The following C14orf39 variants were observed in gnomAD, a reference collection of about 807,000 sequenced individuals.
C14orf39 encodes the protein protein SIX6OS1.
Under a neutral mutation model 85.6 loss-of-function variants are expected in C14orf39, and 66 were observed. That is an observed-to-expected ratio of 0.77 (90% CI 0.63 to 0.95). The LOEUF is 0.95. C14orf39 is among the 40% of genes least tolerant of loss of function. The probability of loss-of-function intolerance (pLI) is 0.00; values close to 1 mark genes in which losing one functional copy is unlikely to be tolerated. For missense variants in C14orf39, 735 were observed against 663.9 expected (o/e 1.11, Z -1.18); for synonymous variants, 242 against 214.0 (o/e 1.13, Z -1.14).
At chr14:60,459,203 T>A (rs145935553) in intron 13 of C14orf39, among the ~76,000 whole-genome samples, 1 of 151,764 alleles carries the variant, frequency 6.6e-6, no homozygotes, top group Non-Finnish European at 1.5e-5. Flanking sequence ...ATCCATATTA[T>A]TGCACAAAGA....
At chr14:60,476,692 T>A (rs1293438763) in intron 5 of C14orf39, among the ~76,000 whole-genome samples, 1 of 152,162 alleles carries the variant, frequency 6.6e-6, no homozygotes, top group Non-Finnish European at 1.5e-5. Flanking sequence ...AGAATTAATG[T>A]TTTATAGTCA....
chr14:60,513,282 G>A (rs1893319759), intron 1 of C14orf39, among the ~76,000 whole-genome samples: 1 of 152,168 alleles, frequency 6.6e-6, no homozygotes, highest in Admixed American at 6.5e-5. Context: ...GGTCCTGAAA[G>A]GCTCCCATTG....
intron 2 of C14orf39, among the ~76,000 whole-genome samples, chr14:60,497,649 G>C (rs1483582893): frequency 1.3e-5 from 2 of 152,190 alleles, no homozygotes; most frequent in Non-Finnish European, 2.9e-5. Flanking sequence ...GCCGAGGTGG[G>C]CCAATCACTG....
intron 17 of C14orf39, among the ~76,000 whole-genome samples, chr14:60,437,999 T>C (rs1017557791): frequency 1.3e-4 from 20 of 151,666 alleles, no homozygotes; most frequent in Non-Finnish European, 2.7e-4. Flanking sequence ...TAATTTAAAA[T>C]TAATTATCAT....
Position 60,442,091 on chromosome 14 carries a change from G to A in C14orf39, c.1544C>T (p.Ser515Leu), listed in dbSNP as rs1277421272. Residue 515 changes from serine (S) to leucine (L), a missense_variant, in exon 17 of 18, where the codon TCA becomes TTA. Ser to Leu is a moderately radical substitution (Grantham distance 145, BLOSUM62 -2). Coordinates refer to ENST00000321731, the MANE Select transcript of C14orf39 (RefSeq NM_174978.3). ...CAACTTACCAATCTCTTGCTCTGAT[G>A]ACAGAGGATTTAGATTTCTTGCAGA... ...HYSARNLNPL[S>L]SEQEIGNLLE... The A allele has an allele frequency of 1.9e-6, 3 of 1,609,982 alleles. No individual in the cohort carries two copies. Among genetic ancestry groups the A allele is most frequent in the Non-Finnish European group, 2.5e-6 (3 of 1,177,116 alleles).
intron 2 of C14orf39, chr14:60,496,771 C>A (rs566566478): frequency 6.5e-6 from 1 of 153,014 alleles, no homozygotes; most frequent in South Asian, 2.1e-4. Context: ...GGCTCCCCTG[C>A]CACTGGTGCC....
chr14:60,458,606 G>T, intron 14 of C14orf39, 72 bp downstream of exon 14: 3 of 1,110,568 alleles, frequency 2.7e-6, no homozygotes, highest in Admixed American at 1.9e-5. Context: ...TACTAAATCT[G>T]AAATTTAAAT....
At chr14:60,442,039 A>G (rs751012934) in intron 17 of C14orf39, 35 bp downstream of exon 17, 3 of 1,489,788 alleles carry the variant, frequency 2.0e-6, no homozygotes, top group East Asian at 4.5e-5. Flanking sequence ...ATGAGTTAAC[A>G]TGTTTTTAAA....
chr14:60,464,580 T>C (rs764123456), intron 11 of C14orf39, among the ~76,000 whole-genome samples: 5 of 152,096 alleles, frequency 3.3e-5, no homozygotes, highest in Non-Finnish European at 7.4e-5. Context: ...AATTTCTTGG[T>C]AAATTGTTCT....
rs116432589 is a variant in C14orf39, at chr14:60,507,324, A to C, written c.-143-7894T>G. 2.8e-3 allele frequency among the ~76,000 whole-genome samples: 431 copies of C among 152,002 alleles called. 1 individual carries two copies. Among genetic ancestry groups the C allele is most frequent in the African/African-American group, 9.8e-3 (405 of 41,450 alleles). On this transcript the variant is annotated intron_variant, in intron 1 of 5. Coordinates refer to the C14orf39 transcript ENST00000556799. ...GAGGCCCTCTTTTTCTGCACCGCGG[A>C]TTCTCCTCCGCCTGCGTGTTCGGGG...
chr14:60,506,287 T>C (rs1893202314), intron 1 of C14orf39, among the ~76,000 whole-genome samples: 1 of 152,060 alleles, frequency 6.6e-6, no homozygotes. Context: ...AAATGTGGGA[T>C]AAGAAGTGAG....
In C14orf39 at chr14:60,484,265, G is replaced by T. The variant is rs1029037500; in HGVS notation, c.107-448C>A. On this transcript the variant is annotated intron_variant, in intron 3 of 17. Transcript: ENST00000321731. This position sits in a 1 kb window ranked among gnomAD's most constrained non-coding sequence, Gnocchi z 4.2. Reference sequence around the variant, plus strand: ...CAACTCACTTATTTCTGTTACTAGTGATTAAATAGAAGATAAAATGGACAT... The same window carrying T: ...CAACTCACTTATTTCTGTTACTAGTTATTAAATAGAAGATAAAATGGACAT... Among the ~76,000 whole-genome samples the T allele has an allele frequency of 6.6e-6, 1 of 152,058 alleles. No individual in the cohort carries two copies. The highest frequency in any genetic ancestry group is 2.4e-5 in the African/African-American group (1 of 41,414).
chr14:60,485,156 C>T (rs1566683444), intron 1 of C14orf39, 70 bp from the exon 2 acceptor site: 3 of 1,318,384 alleles, frequency 2.3e-6, no homozygotes, highest in East Asian at 4.7e-5. Context: ...TATTTCGTAA[C>T]GACCTTTTCA....
chr14:60,438,842 TGAGTTCCA>T (rs1216509870), intron 17 of C14orf39, among the ~76,000 whole-genome samples: 1 of 152,096 alleles, frequency 6.6e-6, no homozygotes, highest in Admixed American at 6.6e-5. Context: ...TGAGACACAC[TGAGTTCCA>T]GAGTCTGGCC....
chr14:60,490,449 A>G (rs563044008), upstream of C14orf39, among the ~76,000 whole-genome samples: 2 of 69,536 alleles, frequency 2.9e-5, no homozygotes, highest in South Asian at 1.1e-3. Flanking sequence ...ATAAATAAAT[A>G]AATGAATAAA....
Position 60,467,019 on chromosome 14 carries a change from G to T in C14orf39, c.793C>A (p.Leu265Ile). The T allele has an allele frequency of 7.2e-7, 1 of 1,393,720 alleles. No homozygotes were observed. Among genetic ancestry groups the T allele is most frequent in the Middle Eastern group, 1.9e-4 (1 of 5,290 alleles). 86.3% of individuals were successfully genotyped at this position (1,393,720 alleles called of 1,614,324 possible). A position where few individuals can be genotyped will look rare whatever the true frequency, so the allele number is the denominator to read the frequency against. The change falls in exon 10 of 18, where the codon CTT (leucine) becomes ATT (isoleucine). Residue 265 changes from leucine (L) to isoleucine (I), a missense_variant. Transcript: ENST00000321731. ...ERIFGKDEHV[L>I]TLNKTQSSQL... ...CTGCTTTGAGTTTTATTCAATGTAA[G>T]TACATGCTCATCTTTTCCAAAAATT...
In C14orf39 at chr14:60,437,013, G is replaced by T. The variant is rs1890283221; in HGVS notation, c.1596C>A (p.Gly532=). 1.2e-6 allele frequency: 2 copies of T among 1,610,166 alleles called. No homozygotes were observed. Among genetic ancestry groups the T allele is most frequent in the African/African-American group, 1.3e-5 (1 of 74,854 alleles). Residue 532 remains glycine, a synonymous_variant, in exon 18 of 18, where the codon GGC becomes GGA. Coordinates refer to ENST00000321731, the MANE Select transcript of C14orf39 (RefSeq NM_174978.3). ...TGTCTGATGGAAAAGAAAATGTAAA[G>T]CCATCTTCTCCTTCTGGCTTCTCAA... is the stretch of plus-strand genomic sequence containing the variant. ...NLLEKPEGED[G]FTFSFPSDTS...
Position 60,484,870 on chromosome 14 carries a change from A to G in C14orf39, c.106+11T>C. On this transcript the variant is annotated intron_variant, in intron 3 of 17. Transcript: ENST00000321731. This position sits in a 1 kb window ranked among gnomAD's most constrained non-coding sequence, Gnocchi z 4.2. ...AAGACTAAAATATCTTGATCATGCA[A>G]AGCTACTTACTATTAATTCTTTGAA... The G allele has an allele frequency of 6.5e-7, 1 of 1,546,360 alleles. No individual in the cohort carries two copies. Among genetic ancestry groups the G allele is most frequent in the Non-Finnish European group, 8.8e-7 (1 of 1,133,212 alleles).
At chr14:60,461,716 T>C in intron 11 of C14orf39, 123 bp from the exon 12 acceptor site, 2 of 544,010 alleles carry the variant, frequency 3.7e-6, no homozygotes, top group South Asian at 6.6e-5. Context: ...TTACCATCAT[T>C]ATCAACATCA....
Sources: allele counts gnomAD v4.1 joint callset (sites outside exome capture counted in the v4.1 genomes callset), GRCh38; gene constraint gnomAD v4.1.1; non-coding constraint Gnocchi (gnomAD v3.1); transcripts MANE v1.5; gene names NCBI Gene and HGNC (gene_info 2026-07-23, HGNC 2026-07-21).